ROCK1: variants seen among roughly 807,000 people sequenced by gnomAD.
ROCK1 encodes Rho associated coiled-coil containing protein kinase 1.
A neutral mutation model predicts 196.8 loss-of-function variants in ROCK1; 36 were observed. The observed-to-expected ratio is 0.18, with a 90% CI of 0.14 to 0.24. The LOEUF is 0.24. Ranked by LOEUF, ROCK1 falls within the 10% of genes least tolerant of loss-of-function variation. The pLI, the probability that ROCK1 is intolerant of heterozygous loss-of-function variation, is 1.00. For missense variants in ROCK1, 920 were observed against 1,562.0 expected (o/e 0.59, Z 6.93); for synonymous variants, 443 against 515.9 (o/e 0.86, Z 1.91).
intron 1 of ROCK1, among the ~76,000 whole-genome samples, chr18:21,090,540 T>A (rs1598559447): frequency 6.6e-6 from 1 of 152,138 alleles, no homozygotes; most frequent in Non-Finnish European, 1.5e-5. Context: ...ATTCAAGAGG[T>A]ACTGGGGTGG....
chr18:20,953,658 A>G lies in ROCK1; in HGVS notation c.3981T>C (p.Ala1327=), dbSNP rs1413312195. The G allele has an allele frequency of 6.2e-7, 1 of 1,612,506 alleles. No homozygotes were observed. The highest frequency in any genetic ancestry group is 8.5e-7 in the Non-Finnish European group (1 of 1,179,614). ...ATCTTGTAGAAAGCGTTCGAGGGGA[A>G]GCACGAACAAAACCAGATGGTGGAT... ...PKNPPSGFVR[A]SPRTLSTRST... The change falls in exon 32 of 33, where the codon GCT becomes GCC. Residue 1327 remains alanine (A), a synonymous_variant. Transcript: ENST00000399799.
intron 13 of ROCK1, among the ~76,000 whole-genome samples, chr18:21,014,251 C>T (rs571450128): frequency 1.3e-5 from 2 of 152,162 alleles, no homozygotes; most frequent in Admixed American, 6.5e-5. Context: ...CTGGCTTCTC[C>T]GGCACCCCGT....
chr18:21,059,723 C>T (rs1315118286), intron 2 of ROCK1, among the ~76,000 whole-genome samples: 8 of 152,116 alleles, frequency 5.3e-5, no homozygotes, highest in African/African-American at 1.9e-4. Flanking sequence ...TATGTCTACA[C>T]AAAAACTTCT....
intron 23 of ROCK1, 48 bp from the exon 24 acceptor site, chr18:20,969,256 C>T: frequency 1.7e-6 from 2 of 1,160,012 alleles, no homozygotes; most frequent in East Asian, 2.3e-5. Context: ...TTGCTATTCT[C>T]GTATTTCAGG....
intron 11 of ROCK1, 130 bp from the exon 12 acceptor site, chr18:21,020,369 C>A: frequency 2.2e-6 from 1 of 458,756 alleles, no homozygotes; most frequent in Non-Finnish European, 3.7e-6. Context: ...CTTTCTATCT[C>A]AATTTTTTTA....
chr18:21,001,505 C>T (rs566819301), intron 16 of ROCK1, among the ~76,000 whole-genome samples: 7 of 152,264 alleles, frequency 4.6e-5, no homozygotes, highest in South Asian at 4.1e-4. Context: ...TGGTGGCTCA[C>T]GCCTGTAATC....
intron 29 of ROCK1, among the ~76,000 whole-genome samples, chr18:20,959,093 A>T (rs1456112281): frequency 1.2e-4 from 4 of 32,410 alleles, no homozygotes; most frequent in African/African-American, 5.6e-4. Flanking sequence ...TATTTTATAT[A>T]ATATATATAT....
intron 1 of ROCK1, among the ~76,000 whole-genome samples, chr18:21,100,896 C>T (rs572781782): frequency 3.3e-5 from 5 of 152,272 alleles, no homozygotes; most frequent in South Asian, 2.1e-4. Flanking sequence ...GGCCTTGAGG[C>T]GATCGCAACT....
At chr18:21,068,568 T>A (rs2036356923) in intron 2 of ROCK1, among the ~76,000 whole-genome samples, 1 of 152,236 alleles carries the variant, frequency 6.6e-6, no homozygotes, top group Non-Finnish European at 1.5e-5. Flanking sequence ...TTGGGGACTG[T>A]TAACATTTTA....
chr18:21,074,064 A>G (rs866775053), intron 1 of ROCK1, among the ~76,000 whole-genome samples: 44 of 152,138 alleles, frequency 2.9e-4, no homozygotes, highest in African/African-American at 1.0e-3. Flanking sequence ...AGGCTGAGGC[A>G]GGAAGATCGC....
chr18:20,993,011 T>G (rs1467913637), intron 16 of ROCK1, 74 bp from the exon 17 acceptor site: 17 of 875,924 alleles, frequency 1.9e-5, no homozygotes, highest in Admixed American at 5.1e-5. Context: ...ACAATTTAGT[T>G]TTTAAAAAAT....
intron 2 of ROCK1, among the ~76,000 whole-genome samples, chr18:21,069,238 G>A (rs4800119): frequency 0.19 from 29,617 of 151,950 alleles, 6,516 homozygotes; most frequent in African/African-American, 0.54. Flanking sequence ...ATATGTTAAT[G>A]TGGTAAATTA....
chr18:21,034,986 C>T (rs2036044074), intron 9 of ROCK1, among the ~76,000 whole-genome samples: 1 of 152,118 alleles, frequency 6.6e-6, no homozygotes, highest in East Asian at 1.9e-4. Flanking sequence ...AGAAATCTCT[C>T]AAGAGAAGAT....
At chr18:20,963,004 A>G (rs906978726) in intron 27 of ROCK1, among the ~76,000 whole-genome samples, 5 of 152,248 alleles carry the variant, frequency 3.3e-5, no homozygotes, top group African/African-American at 1.2e-4. Flanking sequence ...TTAAGTGGTG[A>G]TCTGGAGGTA....
At chr18:21,092,981 C>T (rs1323895527) in intron 1 of ROCK1, among the ~76,000 whole-genome samples, 1 of 152,082 alleles carries the variant, frequency 6.6e-6, no homozygotes, top group Non-Finnish European at 1.5e-5. Context: ...CTCCAATTTC[C>T]ACCCCTCCTT....
At chr18:20,955,319 A>G (rs1182028445) in intron 29 of ROCK1, 74 bp from the exon 30 acceptor site, 50 of 1,168,982 alleles carry the variant, frequency 4.3e-5, no homozygotes, top group Non-Finnish European at 5.9e-5. Context: ...AAGAGGACAT[A>G]TGGGTGATAA....
intron 12 of ROCK1, among the ~76,000 whole-genome samples, chr18:21,017,706 C>T (rs1452366933): frequency 6.6e-6 from 1 of 151,886 alleles, no homozygotes. Context: ...GGCGTGGTGG[C>T]TCACACCTGT....
chr18:21,016,058 GCTTC>G (rs1598529074), intron 12 of ROCK1, among the ~76,000 whole-genome samples: 2 of 151,908 alleles, frequency 1.3e-5, no homozygotes, highest in Non-Finnish European at 2.9e-5. Flanking sequence ...TAGTATATAT[GCTTC>G]CTTATTAATA....
At chr18:21,039,014 A>G (rs1247651204) in intron 9 of ROCK1, among the ~76,000 whole-genome samples, 3 of 152,226 alleles carry the variant, frequency 2.0e-5, no homozygotes, top group Non-Finnish European at 4.4e-5. Context: ...GTATATCACA[A>G]TATCCTATAA....
Sources: gnomAD v4.1 joint callset for allele counts (sites outside exome capture counted in the v4.1 genomes callset) on GRCh38, gnomAD v4.1.1 for gene constraint, MANE v1.5 for transcripts, NCBI Gene and HGNC (gene_info 2026-07-23, HGNC 2026-07-21) for gene names.